The following RUBCN variants were observed in gnomAD, a reference collection of about 807,000 sequenced individuals.
The protein encoded by RUBCN is rubicon autophagy regulator.
In RUBCN, 74 loss-of-function variants were observed where a neutral mutation model predicts 113.2. The ratio of observed to expected loss-of-function variants is 0.65; its 90% CI spans 0.54 to 0.79. RUBCN has a LOEUF of 0.79. Among genes scored for constraint, RUBCN ranks in the 30% least tolerant of loss-of-function variants. The pLI, the probability that RUBCN is intolerant of heterozygous loss-of-function variation, is 0.00. For synonymous variants in RUBCN, 480 were observed against 490.0 expected (o/e 0.98, Z 0.27); for missense variants, 1,109 against 1,251.7 (o/e 0.89, Z 1.72).
intron 11 of RUBCN, among the ~76,000 whole-genome samples, chr3:197,692,832 G>T (rs1297398843): frequency 6.6e-6 from 1 of 152,180 alleles, no homozygotes; most frequent in Non-Finnish European, 1.5e-5. Flanking sequence ...CTGTGCAGGC[G>T]AATGGGCTCT....
intron 5 of RUBCN, 141 bp downstream of exon 5, chr3:197,703,397 CAAAAAAAAAA>C (rs1165064210): frequency 1.4e-3 from 221 of 155,776 alleles, no homozygotes; most frequent in Middle Eastern, 6.7e-3. Context: ...GACTCTGTCT[CAAAAAAAAAA>C]AAAAAAAAAA....
chr3:197,749,781 C>T (rs960273830), upstream of RUBCN: 70 of 537,956 alleles, frequency 1.3e-4, 1 homozygote, highest in Admixed American at 1.1e-3. Flanking sequence ...GAGCGAGTCA[C>T]GGCGCGGGGC....
chr3:197,686,251 T>A (rs1721822416), intron 11 of RUBCN, among the ~76,000 whole-genome samples: 1 of 137,454 alleles, frequency 7.3e-6, no homozygotes, highest in African/African-American at 3.6e-5. Context: ...GAAGAAACCT[T>A]TTTTTTTTCC....
At chr3:197,689,950 C>A (rs1044687004) in intron 11 of RUBCN, among the ~76,000 whole-genome samples, 1 of 152,152 alleles carries the variant, frequency 6.6e-6, no homozygotes, top group Non-Finnish European at 1.5e-5. Flanking sequence ...CCTCTCTTTA[C>A]GCCCCAACCC....
intron 2 of RUBCN, among the ~76,000 whole-genome samples, chr3:197,712,901 C>T (rs1725114469): frequency 6.6e-6 from 1 of 151,096 alleles, no homozygotes; most frequent in Admixed American, 6.6e-5. Flanking sequence ...CTCTTGTCAC[C>T]CAGGCTGGAG....
At chr3:197,705,063 C>T (rs1724135552) in intron 3 of RUBCN, 29 bp downstream of exon 3, 1 of 1,570,036 alleles carries the variant, frequency 6.4e-7, no homozygotes, top group Non-Finnish European at 8.8e-7. Flanking sequence ...ACAGCTCTGC[C>T]AGCACAGCCG....
intron 1 of RUBCN, chr3:197,748,569 A>G (rs2885470): frequency 0.75 from 113,486 of 152,186 alleles, 45,450 homozygotes; most frequent in East Asian, 0.94. Context: ...CTTACAAAAA[A>G]GTCATGGTTC....
chr3:197,701,726 C>T lies in RUBCN; in HGVS notation c.709G>A (p.Val237Met), dbSNP rs762367853. 3.5e-5 allele frequency: 57 copies of T among 1,613,910 alleles called. No homozygotes were observed. Among genetic ancestry groups the T allele is most frequent in the South Asian group, 5.5e-5 (5 of 91,084 alleles). Reference sequence around the variant, plus strand: ...CCCATACCTGAGCCATTGTTGGGCACGGATTGGTGGAGGCTAGAGAAGGAC... The same window carrying T: ...CCCATACCTGAGCCATTGTTGGGCATGGATTGGTGGAGGCTAGAGAAGGAC... ...FGSFSSLHQS[V>M]PNNGSERRST... Residue 237 changes from valine (V) to methionine (M), a missense_variant, in exon 6 of 20, where the codon GTG (valine) becomes ATG (methionine). Val to Met is a conservative substitution (Grantham distance 21). Coordinates refer to ENST00000296343, the MANE Select transcript of RUBCN (RefSeq NM_014687.4).
At chr3:197,694,671 G>A (rs1722811774) in intron 9 of RUBCN, 86 bp from the exon 10 acceptor site, 2 of 1,211,656 alleles carry the variant, frequency 1.7e-6, no homozygotes, top group South Asian at 1.2e-5. Flanking sequence ...GAGTTTCCAA[G>A]ATAGGAACTG....
chr3:197,685,489 C>G (rs1721737595), intron 11 of RUBCN, among the ~76,000 whole-genome samples: 1 of 152,116 alleles, frequency 6.6e-6, no homozygotes, highest in African/African-American at 2.4e-5. Context: ...TAAAATCACC[C>G]TAACAAGAAA....
intron 1 of RUBCN, among the ~76,000 whole-genome samples, chr3:197,734,842 A>G (rs1727939979): frequency 6.6e-6 from 1 of 152,222 alleles, no homozygotes; most frequent in Non-Finnish European, 1.5e-5. Context: ...AAAGGGAAGT[A>G]AGATGTTCAG....
Position 197,736,840 on chromosome 3 carries a change from CG to C in RUBCN, c.-122del. On this transcript the variant is annotated 5_prime_UTR_variant, in exon 1 of 20. Transcript: ENST00000296343. ...TGCGGCCGGTGGGCTCCGGGTGATG[CG>C]CTACACCCGGGCGGCGACAGCGGGA... 1 of 1,393,684 alleles carries C rather than the reference CG, an allele frequency of 7.2e-7. No homozygotes were observed. Among genetic ancestry groups the C allele is most frequent in the Non-Finnish European group, 9.2e-7 (1 of 1,082,158 alleles). The allele number at this position is 1,393,684 out of a possible 1,614,324, so 86.3% of individuals were successfully genotyped here.
At position 197,669,265 on chromosome 3, in the gene RUBCN, CA is replaced by C. The variant is rs1387044416; in HGVS notation, c.*5752del. Among the ~76,000 whole-genome samples, 2 of 152,158 alleles carry C rather than the reference CA, an allele frequency of 1.3e-5. No homozygotes were observed. Among genetic ancestry groups the C allele is most frequent in the Non-Finnish European group, 2.9e-5 (2 of 68,024 alleles). On this transcript the variant is annotated 3_prime_UTR_variant, in exon 20 of 20. Coordinates refer to ENST00000296343, the MANE Select transcript of RUBCN (RefSeq NM_014687.4). ...ACTCCAAATTGTATTCAGATTTTGC[CA>C]GTTTTTTCACTAATATCCTTTCTCC... is the stretch of plus-strand genomic sequence containing the variant.
At chr3:197,720,595 T>C (rs13318116) in intron 1 of RUBCN, among the ~76,000 whole-genome samples, 4,236 of 152,040 alleles carry the variant, frequency 0.028, 118 homozygotes, top group African/African-American at 0.072. Context: ...TTTAGTTAGA[T>C]GGGGTTTCTC....
At position 197,675,039 on chromosome 3, in the gene RUBCN, GGCTTCCAGGGCCAGC is replaced by G. The variant is rs753436502; in HGVS notation, c.2883_2897del (p.Leu962_Ala966del). 6.2e-7 allele frequency: 1 copy of G among 1,612,740 alleles called. No homozygotes were observed. The highest frequency in any genetic ancestry group is 8.5e-7 in the Non-Finnish European group (1 of 1,179,902). Reference sequence around the variant, plus strand: ...TTCTTCAGGTGGCCTCCAGGACGGCGGCTTCCAGGGCCAGCGCTTCCGCGGGCTCCTCCTCGTAGT... The same window carrying G: ...TTCTTCAGGTGGCCTCCAGGACGGCGGCTTCCGCGGGCTCCTCCTCGTAGT... On this transcript the variant is annotated inframe_deletion, in exon 20 of 20. Transcript: ENST00000296343. The surrounding 1 kb of genome is among the most constrained non-coding windows in gnomAD (Gnocchi z 4.4).
chr3:197,715,655 C>T (rs1725442926), intron 2 of RUBCN, among the ~76,000 whole-genome samples: 2 of 152,138 alleles, frequency 1.3e-5, no homozygotes, highest in African/African-American at 4.8e-5. Flanking sequence ...GTATTTTGCC[C>T]AAGGTTACAC....
intron 7 of RUBCN, chr3:197,699,310 A>G (rs953958157): frequency 2.8e-6 from 3 of 1,076,726 alleles, no homozygotes; most frequent in East Asian, 2.6e-5. Context: ...AGTGTCCTAA[A>G]TTTTACCCAG....
intron 13 of RUBCN, 128 bp from the exon 14 acceptor site, chr3:197,682,743 T>C (rs1721391594): frequency 1.6e-6 from 2 of 1,240,696 alleles, no homozygotes; most frequent in Admixed American, 3.8e-5. Context: ...CGGACGGGCT[T>C]GAGAAACAGA....
chr3:197,684,858 G>A (rs1302320775), intron 11 of RUBCN, among the ~76,000 whole-genome samples: 1 of 151,920 alleles, frequency 6.6e-6, no homozygotes, highest in East Asian at 2.0e-4. Flanking sequence ...TTTCACCACT[G>A]TTGCCATTAC....
Sources: allele counts gnomAD v4.1 joint callset (sites outside exome capture counted in the v4.1 genomes callset), GRCh38; gene constraint gnomAD v4.1.1; non-coding constraint Gnocchi (gnomAD v3.1); transcripts MANE v1.5; gene names NCBI Gene and HGNC (gene_info 2026-07-23, HGNC 2026-07-21).